The following BCO1 variants were observed in gnomAD, a reference collection of about 807,000 sequenced individuals.
BCO1 encodes beta,beta-carotene 15,15'-dioxygenase.
A neutral mutation model predicts 56.3 loss-of-function variants in BCO1; 54 were observed. That is an observed-to-expected ratio of 0.96 (90% CI 0.77 to 1.20). BCO1 has a LOEUF of 1.20. BCO1 is among the 50% of genes most tolerant of loss of function. The probability of loss-of-function intolerance (pLI) is 0.00; values close to 1 mark genes in which losing one functional copy is unlikely to be tolerated. For missense variants in BCO1, 801 were observed against 690.9 expected (o/e 1.16, Z -1.79); for synonymous variants, 318 against 266.1 (o/e 1.20, Z -1.90).
At chr16:81,244,438 G>C (rs185676148) in intron 1 of BCO1, among the ~76,000 whole-genome samples, 1 of 151,964 alleles carries the variant, frequency 6.6e-6, no homozygotes, top group Non-Finnish European at 1.5e-5. Flanking sequence ...GTTCACTTTT[G>C]TTCATACTAA....
intron 7 of BCO1, among the ~76,000 whole-genome samples, chr16:81,279,141 G>A (rs1233826244): frequency 6.6e-6 from 1 of 152,012 alleles, no homozygotes; most frequent in Non-Finnish European, 1.5e-5. Context: ...ACCAAGGATG[G>A]TGACGCATGC....
At chr16:81,247,589 C>T (rs1905500662) in intron 2 of BCO1, among the ~76,000 whole-genome samples, 1 of 151,994 alleles carries the variant, frequency 6.6e-6, no homozygotes, top group African/African-American at 2.4e-5. Flanking sequence ...TGCAATGGTG[C>T]AATCTCAGCT....
At chr16:81,283,122 T>C (rs929068363) in intron 8 of BCO1, among the ~76,000 whole-genome samples, 1 of 152,174 alleles carries the variant, frequency 6.6e-6, no homozygotes, top group African/African-American at 2.4e-5. Flanking sequence ...ATGCATTCCA[T>C]ATCATCTAGA....
chr16:81,269,722 C>G (rs1336565497), intron 6 of BCO1, among the ~76,000 whole-genome samples: 1 of 152,220 alleles, frequency 6.6e-6, no homozygotes, highest in Non-Finnish European at 1.5e-5. Flanking sequence ...ACCTGCCCGG[C>G]CTCCCAAAGT....
chr16:81,267,926 A>G lies in BCO1; in HGVS notation c.638A>G (p.Lys213Arg), dbSNP rs1210503777. 4 of 1,613,744 alleles carry G rather than the reference A, an allele frequency of 2.5e-6. No homozygotes were observed. In the African/African-American group the frequency reaches 5.3e-5, roughly 22 times the overall value. ...TTGCTAGAGGGCAAGAAGCAGGGGA[A>G]GAGCCCCTGGAAGCACACAGAGGTG... ...ATVPEGKKQG[K>R]SPWKHTEVFC... Residue 213 changes from lysine (K) to arginine (R), a missense_variant, in exon 6 of 11, where the codon AAG becomes AGG. By Grantham distance (26) the Lys-to-Arg change is conservative (BLOSUM62 2). Coordinates refer to ENST00000258168, the MANE Select transcript of BCO1 (RefSeq NM_017429.3).
chr16:81,254,911 C>T (rs772773766), intron 2 of BCO1, among the ~76,000 whole-genome samples: 2 of 152,188 alleles, frequency 1.3e-5, no homozygotes, highest in African/African-American at 2.4e-5. Context: ...ATCCTCCCGC[C>T]TCAGCCTCCT....
chr16:81,249,554 C>A (rs949195833), intron 2 of BCO1, among the ~76,000 whole-genome samples: 1 of 152,116 alleles, frequency 6.6e-6, no homozygotes, highest in African/African-American at 2.4e-5. Flanking sequence ...CTGTGCCCGG[C>A]CCCGGCTAGG....
rs1001747491 is a variant in BCO1 at position 81,270,185 on chromosome 16, G to A, written c.870G>A (p.Arg290=). 1 of 1,614,122 alleles carries A rather than the reference G, an allele frequency of 6.2e-7. No homozygotes were observed. Among genetic ancestry groups the A allele is most frequent in the South Asian group, 1.1e-5 (1 of 91,074 alleles). Residue 290 remains arginine (R), a synonymous_variant, in exon 7 of 11, where the codon AGG becomes AGA. Coordinates refer to ENST00000258168, the MANE Select transcript of BCO1 (RefSeq NM_017429.3). ...EKTYIHIIDQ[R]TRQPVQTKFY... ...CTTATATCCACATCATCGACCAAAG[G>A]ACCAGGCAGCCTGTGCAGACCAAGT...
chr16:81,268,207 T>C, intron 6 of BCO1, 76 bp downstream of exon 6: 1 of 1,379,838 alleles, frequency 7.2e-7, no homozygotes, highest in South Asian at 1.2e-5. Context: ...GAGGGTGAAG[T>C]TTAAGGCAAG....
intron 3 of BCO1, among the ~76,000 whole-genome samples, chr16:81,261,472 T>C (rs1486234960): frequency 2.6e-5 from 4 of 152,242 alleles, no homozygotes; most frequent in Admixed American, 2.0e-4. Context: ...ATCAGCTACG[T>C]TGTTAGGCTT....
At chr16:81,239,758 CCTT>C (rs755186577) in intron 1 of BCO1, among the ~76,000 whole-genome samples, 3 of 152,144 alleles carry the variant, frequency 2.0e-5, no homozygotes, top group Non-Finnish European at 2.9e-5. Flanking sequence ...AGGAGTAGGA[CCTT>C]CTATCCTTTA....
chr16:81,240,193 A>G (rs1050407143), intron 1 of BCO1, among the ~76,000 whole-genome samples: 1 of 152,130 alleles, frequency 6.6e-6, no homozygotes, highest in Admixed American at 6.6e-5. Context: ...TTAGGAGTGC[A>G]AATGAGAACA....
chr16:81,241,787 C>A (rs1487694019), intron 1 of BCO1, among the ~76,000 whole-genome samples: 1 of 152,194 alleles, frequency 6.6e-6, no homozygotes, highest in Admixed American at 6.5e-5. Flanking sequence ...TTGGTGACAT[C>A]CATGGGCAAA....
At chr16:81,260,178 A>G (rs1414456321) in intron 3 of BCO1, among the ~76,000 whole-genome samples, 1 of 152,184 alleles carries the variant, frequency 6.6e-6, no homozygotes. Context: ...AACAACCCAA[A>G]TGTTCATTAA....
chr16:81,256,991 T>G (rs930134413), intron 2 of BCO1, among the ~76,000 whole-genome samples: 10 of 152,140 alleles, frequency 6.6e-5, no homozygotes, highest in African/African-American at 2.4e-4. Context: ...TCTCTAATGT[T>G]CCAGCCCAGC....
chr16:81,278,892 C>CAG (rs1907707638), intron 7 of BCO1, among the ~76,000 whole-genome samples: 1 of 152,164 alleles, frequency 6.6e-6, no homozygotes, highest in Admixed American at 6.5e-5. Context: ...TTTCCGAGGA[C>CAG]CCTTGCGGTT....
At chr16:81,242,873 G>T (rs1028454529) in intron 1 of BCO1, among the ~76,000 whole-genome samples, 16 of 152,086 alleles carry the variant, frequency 1.1e-4, no homozygotes, top group African/African-American at 3.9e-4. Flanking sequence ...ACCCTACTGT[G>T]AGCGTGAACC....
intron 1 of BCO1, among the ~76,000 whole-genome samples, chr16:81,243,972 C>T (rs984325326): frequency 6.6e-6 from 1 of 152,242 alleles, no homozygotes; most frequent in Non-Finnish European, 1.5e-5. Flanking sequence ...ACATGCCTCT[C>T]GTGATCCCAA....
chr16:81,251,767 T>A (rs1430979651), intron 2 of BCO1, among the ~76,000 whole-genome samples: 1 of 151,518 alleles, frequency 6.6e-6, no homozygotes, highest in East Asian at 1.9e-4. Context: ...AATTTTCCGA[T>A]AAAATTAACA....
Sources: allele counts gnomAD v4.1 joint callset (sites outside exome capture counted in the v4.1 genomes callset), GRCh38; gene constraint gnomAD v4.1.1; transcripts MANE v1.5; gene names NCBI Gene and HGNC (gene_info 2026-07-23, HGNC 2026-07-21).